CRTC1: variants seen among roughly 807,000 people sequenced by gnomAD.
The protein encoded by CRTC1 is CREB-regulated transcription coactivator 1.
CRTC1 carries 18 observed loss-of-function variants against 66.1 expected under a neutral mutation model. The ratio of observed to expected loss-of-function variants is 0.27; its 90% CI spans 0.19 to 0.40. CRTC1 has a LOEUF of 0.40. CRTC1 is among the 10% of genes least tolerant of loss of function. The pLI, the probability that CRTC1 is intolerant of heterozygous loss-of-function variation, is 1.00. For missense variants in CRTC1, 669 were observed against 887.9 expected, an observed-to-expected ratio of 0.75 and a Z score of 3.13; for synonymous variants, 416 against 398.8, an observed-to-expected ratio of 1.04 and a Z score of -0.51.
chr19:18,768,649 G>GC lies in CRTC1; in HGVS notation c.1181dup (p.Gly395TrpfsTer56). 1 of 1,507,364 alleles carries GC rather than the reference G, an allele frequency of 6.6e-7. No homozygotes were observed. The highest frequency in any genetic ancestry group is 8.9e-7 in the Non-Finnish European group (1 of 1,124,166). 93.4% of individuals were successfully genotyped at this position (1,507,364 alleles called of 1,614,324 possible). On this transcript the variant is annotated frameshift_variant, in exon 10 of 14. Coordinates refer to ENST00000321949, the MANE Select transcript of CRTC1 (RefSeq NM_015321.3). LOFTEE classifies it high-confidence loss of function. This position sits in a 1 kb window ranked among gnomAD's most constrained non-coding sequence, Gnocchi z 5.6. ...CACCCCCACAGGCGCCCGTCCGCCTGCCCCCTGGTGGCCCCCTGTTGCCCA... is the reference window on the plus strand; with the variant it reads ...CACCCCCACAGGCGCCCGTCCGCCTGCCCCCCTGGTGGCCCCCTGTTGCCCA...
At chr19:18,736,670 AT>A (rs2054003172) in intron 1 of CRTC1, among the ~76,000 whole-genome samples, 1 of 151,628 alleles carries the variant, frequency 6.6e-6, no homozygotes, top group Non-Finnish European at 1.5e-5. Context: ...GCCTATGGTC[AT>A]GGAGAGTGGA....
At chr19:18,688,284 T>C (rs565593168) in intron 1 of CRTC1, among the ~76,000 whole-genome samples, 3 of 151,662 alleles carry the variant, frequency 2.0e-5, no homozygotes, top group African/African-American at 4.9e-5. Context: ...GCACTTCAGA[T>C]TGGGGACAGG....
intron 1 of CRTC1, among the ~76,000 whole-genome samples, chr19:18,708,678 C>G (rs548931702): frequency 6.6e-6 from 1 of 152,152 alleles, no homozygotes; most frequent in African/African-American, 2.4e-5. Flanking sequence ...CTCGGGGAGC[C>G]AAGTTTGAGA....
intron 8 of CRTC1, among the ~76,000 whole-genome samples, chr19:18,764,394 T>C (rs1346843801): frequency 6.6e-6 from 1 of 152,030 alleles, no homozygotes. Context: ...GTCTCCAGAG[T>C]GGATGGGGGT....
intron 1 of CRTC1, among the ~76,000 whole-genome samples, chr19:18,712,080 A>C (rs2053404504): frequency 6.6e-6 from 1 of 151,854 alleles, no homozygotes; most frequent in Admixed American, 6.6e-5. Context: ...AGCTGGGATT[A>C]CAGGCGTGTG....
intron 2 of CRTC1, among the ~76,000 whole-genome samples, chr19:18,743,595 G>A (rs576563060): frequency 4.5e-4 from 68 of 152,198 alleles, no homozygotes; most frequent in Middle Eastern, 3.4e-3. Flanking sequence ...CCACCCCCAG[G>A]ACGGTGTCTG....
chr19:18,753,667 G>T (rs551618039), intron 6 of CRTC1, 82 bp downstream of exon 6: 1 of 1,015,184 alleles, frequency 9.9e-7, no homozygotes, highest in Non-Finnish European at 1.5e-6. Flanking sequence ...CAAAATGGCA[G>T]GTTGGGGTGG....
chr19:18,725,090 A>T (rs73537962), intron 1 of CRTC1, among the ~76,000 whole-genome samples: 25,439 of 151,758 alleles, frequency 0.17, 2,233 homozygotes, highest in South Asian at 0.24. Context: ...CACCCAGGAG[A>T]CCCCTGTATG....
intron 1 of CRTC1, among the ~76,000 whole-genome samples, chr19:18,721,758 G>C (rs925790997): frequency 2.6e-5 from 4 of 152,214 alleles, no homozygotes; most frequent in Non-Finnish European, 5.9e-5. Flanking sequence ...GTCTCCCAAA[G>C]TGTTGGGATT....
At chr19:18,699,159 A>AGTTCATTCTGG in intron 1 of CRTC1, among the ~76,000 whole-genome samples, 1 of 152,284 alleles carries the variant, frequency 6.6e-6, no homozygotes, top group South Asian at 2.1e-4. Flanking sequence ...GCCTGTCTCC[A>AGTTCATTCTGG]GTTCATTCTG....
intron 2 of CRTC1, among the ~76,000 whole-genome samples, chr19:18,745,262 A>T (rs1284572364): frequency 6.6e-6 from 1 of 151,868 alleles, no homozygotes; most frequent in East Asian, 1.9e-4. Flanking sequence ...GCTGCGGGGG[A>T]GGGTGTGTGG....
At chr19:18,707,996 A>T (rs1242907286) in intron 1 of CRTC1, among the ~76,000 whole-genome samples, 2 of 152,248 alleles carry the variant, frequency 1.3e-5, no homozygotes, top group Non-Finnish European at 2.9e-5. Flanking sequence ...TGTAGCTTGC[A>T]CAGGTAGTGC....
intron 1 of CRTC1, among the ~76,000 whole-genome samples, chr19:18,715,937 C>T (rs751174092): frequency 2.0e-5 from 3 of 152,216 alleles, no homozygotes; most frequent in Non-Finnish European, 4.4e-5. Context: ...GAGCTGTCCC[C>T]GGCATTCCTG....
chr19:18,719,007 G>A (rs185207624), intron 1 of CRTC1, among the ~76,000 whole-genome samples: 19 of 152,306 alleles, frequency 1.2e-4, no homozygotes, highest in Admixed American at 1.1e-3. Flanking sequence ...GAGCAGGGAG[G>A]CCTGGGAGGA....
intron 2 of CRTC1, among the ~76,000 whole-genome samples, chr19:18,743,810 A>C (rs1480695880): frequency 6.6e-6 from 1 of 152,240 alleles, no homozygotes. Flanking sequence ...CTCCTCCGGC[A>C]TACAGAGTGC....
chr19:18,719,412 G>C (rs932605094), intron 1 of CRTC1, among the ~76,000 whole-genome samples: 1 of 152,246 alleles, frequency 6.6e-6, no homozygotes, highest in African/African-American at 2.4e-5. Context: ...GGACAGGGCT[G>C]TGAGGGCACT....
At chr19:18,775,110 C>T (rs1042636098) in intron 12 of CRTC1, 124 bp downstream of exon 12, 1 of 938,028 alleles carries the variant, frequency 1.1e-6, no homozygotes, top group Non-Finnish European at 1.6e-6. Context: ...GCCTGCCCCT[C>T]AGCTTTGCCC....
chr19:18,722,170 G>A (rs1394729567), intron 1 of CRTC1, among the ~76,000 whole-genome samples: 1 of 152,192 alleles, frequency 6.6e-6, no homozygotes, highest in Non-Finnish European at 1.5e-5. Context: ...CCTGCCATGG[G>A]GAGCTTGCAG....
rs769742797 is a variant in CRTC1, at chr19:18,760,125, G to A, written c.783G>A (p.Pro261=). ...ACTTCCCCTCCCCGCTCCCGACCCC[G>A]CTGGACCCCGAGGAGCCCACCTTCC... ...NIHFPSPLPT[P]LDPEEPTFPA... is the part of the protein sequence containing the mutation. Residue 261 remains proline (P), a synonymous_variant, in exon 8 of 14, where the codon CCG becomes CCA. Coordinates refer to ENST00000321949, the MANE Select transcript of CRTC1 (RefSeq NM_015321.3). The surrounding 1 kb of genome is among the most constrained non-coding windows in gnomAD (Gnocchi z 6.2). 10 of 1,613,634 alleles carry A rather than the reference G, an allele frequency of 6.2e-6. No individual in the cohort carries two copies. Among genetic ancestry groups the A allele is most frequent in the Middle Eastern group, 1.6e-4 (1 of 6,084 alleles).
Sources: gnomAD v4.1 joint callset for allele counts (sites outside exome capture counted in the v4.1 genomes callset) on GRCh38, gnomAD v4.1.1 for gene constraint, Gnocchi (gnomAD v3.1) non-coding constraint, MANE v1.5 for transcripts, NCBI Gene and HGNC (gene_info 2026-07-23, HGNC 2026-07-21) for gene names.